CACNB2: variants seen among roughly 807,000 people sequenced by gnomAD.
CACNB2 encodes the protein calcium voltage-gated channel auxiliary subunit beta 2.
CACNB2 carries 42 observed loss-of-function variants against 73.3 expected under a neutral mutation model. The ratio of observed to expected loss-of-function variants is 0.57; its 90% CI spans 0.45 to 0.74. The LOEUF (loss-of-function observed/expected upper bound fraction) is 0.74, where lower values mean the gene tolerates loss of function less well. Among genes scored for constraint, CACNB2 ranks in the 30% least tolerant of loss-of-function variants. The pLI, the probability that CACNB2 is intolerant of heterozygous loss-of-function variation, is 0.00. For synonymous variants in CACNB2, 348 were observed against 310.3 expected, an observed-to-expected ratio of 1.12 and a Z score of -1.28; for missense variants, 940 against 853.0, an observed-to-expected ratio of 1.10 and a Z score of -1.27.
intron 2 of CACNB2, among the ~76,000 whole-genome samples, chr10:18,181,316 C>A (rs906548810): frequency 1.3e-5 from 2 of 152,056 alleles, no homozygotes; most frequent in Non-Finnish European, 2.9e-5. Context: ...AATCAATAAG[C>A]TGAATCTTAT....
chr10:18,361,376 G>A (rs2042130682), intron 2 of CACNB2, among the ~76,000 whole-genome samples: 1 of 151,030 alleles, frequency 6.6e-6, no homozygotes, highest in Non-Finnish European at 1.5e-5. Context: ...GTGCATGCTT[G>A]AAGTCCCAGC....
chr10:18,143,053 G>A (rs1418577082), intron 1 of CACNB2, among the ~76,000 whole-genome samples: 3 of 152,180 alleles, frequency 2.0e-5, no homozygotes. Flanking sequence ...AGTCTTACAG[G>A]ATAATTTATC....
intron 2 of CACNB2, among the ~76,000 whole-genome samples, chr10:18,168,591 A>G (rs1487084380): frequency 6.6e-6 from 1 of 152,016 alleles, no homozygotes; most frequent in Non-Finnish European, 1.5e-5. Context: ...GAAGCACCTC[A>G]CACTGCCACT....
At chr10:18,225,178 G>A (rs1337584530) in intron 2 of CACNB2, among the ~76,000 whole-genome samples, 2 of 151,046 alleles carry the variant, frequency 1.3e-5, no homozygotes, top group Admixed American at 1.3e-4. Context: ...TCCATGTTCT[G>A]TTGAGCTGGG....
In CACNB2 at chr10:18,203,446, G is replaced by T. The variant is rs532664830; in HGVS notation, c.213+52471G>T. On this transcript the variant is annotated intron_variant, in intron 2 of 13. Coordinates refer to ENST00000324631, the MANE Select transcript of CACNB2 (RefSeq NM_201596.3). ...CTTTGTATCCTTTGGGTAACACACCGTGAGTGAGAGCAGAAAAGCTTTCCT... is the reference window on the plus strand; with the variant it reads ...CTTTGTATCCTTTGGGTAACACACCTTGAGTGAGAGCAGAAAAGCTTTCCT... 2.6e-5 allele frequency among the ~76,000 whole-genome samples: 4 copies of T among 152,254 alleles called. No homozygotes were observed. The East Asian group carries it at 7.7e-4, about 29-fold the overall frequency.
chr10:18,283,977 T>G (rs1247806380), intron 2 of CACNB2, among the ~76,000 whole-genome samples: 1 of 152,146 alleles, frequency 6.6e-6, no homozygotes, highest in Non-Finnish European at 1.5e-5. Context: ...ATTGTAGTGT[T>G]ATTATTATTC....
At chr10:18,167,638 C>G (rs1233414445) in intron 2 of CACNB2, among the ~76,000 whole-genome samples, 2 of 152,060 alleles carry the variant, frequency 1.3e-5, no homozygotes, top group Admixed American at 6.6e-5. Flanking sequence ...CAACTCAGTA[C>G]CTGCATGATC....
intron 2 of CACNB2, among the ~76,000 whole-genome samples, chr10:18,335,060 A>G (rs1589069789): frequency 6.6e-6 from 1 of 152,084 alleles, no homozygotes; most frequent in Non-Finnish European, 1.5e-5. Context: ...TAATATGACT[A>G]TACATTTCAG....
intron 3 of CACNB2, among the ~76,000 whole-genome samples, chr10:18,449,060 C>T (rs1286660776): frequency 3.9e-5 from 6 of 152,096 alleles, no homozygotes; most frequent in African/African-American, 1.4e-4. Context: ...GGTGTTGGGG[C>T]AGCAGAGCCC....
At chr10:18,490,488 G>T (rs576753403) in intron 3 of CACNB2, among the ~76,000 whole-genome samples, 1 of 152,236 alleles carries the variant, frequency 6.6e-6, no homozygotes, top group African/African-American at 2.4e-5. Context: ...TCTTGGGCCT[G>T]ACCCTCCATA....
chr10:18,220,828 G>A (rs10764340), intron 2 of CACNB2, among the ~76,000 whole-genome samples: 34,219 of 152,060 alleles, frequency 0.23, 6,072 homozygotes, highest in African/African-American at 0.5. Context: ...GATGATCTGA[G>A]GTGGAACAGT....
intron 2 of CACNB2, among the ~76,000 whole-genome samples, chr10:18,255,991 A>C (rs942008714): frequency 6.6e-6 from 1 of 152,214 alleles, no homozygotes; most frequent in African/African-American, 2.4e-5. Context: ...AGTAACATAG[A>C]AAGTGAATAG....
rs1443838941 is a variant in CACNB2, at chr10:18,261,296, C to T, written c.213+110321C>T. On this transcript the variant is annotated intron_variant, in intron 2 of 13. Coordinates refer to ENST00000324631, the MANE Select transcript of CACNB2 (RefSeq NM_201596.3). ...TGCAGTGCTGCGGGCTGGTGCATCG[C>T]CGGCGAGTACGGGTGTCCTATGTAA... 5 of 1,551,516 alleles carry T rather than the reference C, an allele frequency of 3.2e-6. No homozygotes were observed. The South Asian group carries it at 4.8e-5, about 15-fold the overall frequency.
intron 2 of CACNB2, among the ~76,000 whole-genome samples, chr10:18,218,265 A>G (rs1407653798): frequency 2.0e-5 from 3 of 152,232 alleles, no homozygotes; most frequent in Admixed American, 1.3e-4. Flanking sequence ...GTGACAGCAT[A>G]ATATTTTGAC....
At chr10:18,380,637 TAGAGTC>T (rs548679670) in intron 2 of CACNB2, among the ~76,000 whole-genome samples, 153 of 151,812 alleles carry the variant, frequency 1.0e-3, no homozygotes, top group African/African-American at 3.6e-3. Context: ...TTATTTTTAG[TAGAGTC>T]AGGGTTTCAC....
chr10:18,226,215 A>G (rs949332769), intron 2 of CACNB2, among the ~76,000 whole-genome samples: 1 of 151,558 alleles, frequency 6.6e-6, no homozygotes, highest in African/African-American at 2.4e-5. Context: ...TTGGTAGCGA[A>G]GAGGTTTTGC....
At chr10:18,405,762 A>G (rs1049116074) in intron 3 of CACNB2, among the ~76,000 whole-genome samples, 1 of 152,046 alleles carries the variant, frequency 6.6e-6, no homozygotes, top group Non-Finnish European at 1.5e-5. Flanking sequence ...GTTTGAGACC[A>G]GCTTGGGCAA....
intron 9 of CACNB2, among the ~76,000 whole-genome samples, chr10:18,522,505 C>T (rs1209587877): frequency 1.3e-5 from 2 of 152,058 alleles, no homozygotes; most frequent in Non-Finnish European, 2.9e-5. Flanking sequence ...CTACTACAAC[C>T]ATTTCTAATT....
chr10:18,455,178 A>C (rs1013824525), intron 3 of CACNB2, among the ~76,000 whole-genome samples: 1 of 152,224 alleles, frequency 6.6e-6, no homozygotes, highest in African/African-American at 2.4e-5. Flanking sequence ...AGGAACTTAT[A>C]TTTTTAGGAA....
Sources: allele counts gnomAD v4.1 joint callset (sites outside exome capture counted in the v4.1 genomes callset), GRCh38; gene constraint gnomAD v4.1.1; transcripts MANE v1.5; gene names NCBI Gene and HGNC (gene_info 2026-07-23, HGNC 2026-07-21).